DRC4: variants seen among roughly 807,000 people sequenced by gnomAD.
DRC4 encodes GAS-11.
chr16:90,022,720 T>C, the DRC4 span: 10 of 1,418,550 alleles, frequency 7.0e-6, no homozygotes, highest in East Asian at 3.0e-5. Flanking sequence ...TCCGCTGGCG[T>C]CATGGTGAGC....
chr16:90,040,322 T>G, the DRC4 span: 44 of 1,595,034 alleles, frequency 2.8e-5, no homozygotes, highest in Non-Finnish European at 3.5e-5. Context: ...CGGGACGAGC[T>G]CTATCGGAAG....
At chr16:90,027,755 GTGGGC>G in the DRC4 span, 1 of 1,593,280 alleles carries the variant, frequency 6.3e-7, no homozygotes, top group East Asian at 2.2e-5. Flanking sequence ...CAGTCCCCGG[GTGGGC>G]GTGGGCGGGC....
chr16:90,043,442 AT>A, the DRC4 span: 1 of 1,216,722 alleles, frequency 8.2e-7, no homozygotes, highest in Admixed American at 2.4e-5. Flanking sequence ...TTTAGATTTT[AT>A]CATCAGCAAA....
chr16:90,040,536 C>T, the DRC4 span: 7 of 1,565,092 alleles, frequency 4.5e-6, no homozygotes, highest in Non-Finnish European at 6.1e-6. Context: ...CTCCTGACCC[C>T]AGTGGGCGGC....
At chr16:90,026,739 G>A in the DRC4 span, among the ~76,000 whole-genome samples, 124,588 of 151,688 alleles carry the variant, frequency 0.82, 51,538 homozygotes, top group East Asian at 0.99. Flanking sequence ...GCTGGAGTGC[G>A]GTGGTGCACC....
At chr16:90,040,333 T>C in the DRC4 span, 1 of 1,599,824 alleles carries the variant, frequency 6.3e-7, no homozygotes, top group African/African-American at 1.3e-5. Context: ...CTATCGGAAG[T>C]TCACCGCAGC....
At chr16:90,033,198 G>T in the DRC4 span, among the ~76,000 whole-genome samples, 1 of 152,184 alleles carries the variant, frequency 6.6e-6, no homozygotes, top group Non-Finnish European at 1.5e-5. Flanking sequence ...ATGTGCTGCT[G>T]ACACCTGACA....
the DRC4 span, chr16:90,027,678 C>T: frequency 6.2e-7 from 1 of 1,614,198 alleles, no homozygotes; most frequent in South Asian, 1.1e-5. Flanking sequence ...CAAAGGCACC[C>T]CGATTGTCGA....
At chr16:90,040,165 C>T in the DRC4 span, 4 of 816,594 alleles carry the variant, frequency 4.9e-6, no homozygotes, top group African/African-American at 5.0e-5. Context: ...ACACACTGAC[C>T]CCGGTGCTGT....
At chr16:90,041,538 G>A in the DRC4 span, among the ~76,000 whole-genome samples, 1 of 152,218 alleles carries the variant, frequency 6.6e-6, no homozygotes, top group African/African-American at 2.4e-5. Context: ...GGGCGCGGTG[G>A]CTCACGCCTG....
the DRC4 span, chr16:90,042,590 C>T: frequency 2.7e-6 from 4 of 1,476,444 alleles, no homozygotes; most frequent in Non-Finnish European, 3.8e-6. Flanking sequence ...CCAGACTGTT[C>T]TAAATGCAGA....
At chr16:90,043,355 T>C in the DRC4 span, 242 of 1,556,432 alleles carry the variant, frequency 1.6e-4, no homozygotes, top group African/African-American at 2.1e-4. Flanking sequence ...GCTGCCCCCC[T>C]GGGGGGCCAC....
At chr16:90,034,558 G>C in the DRC4 span, among the ~76,000 whole-genome samples, 3 of 152,230 alleles carry the variant, frequency 2.0e-5, no homozygotes, top group African/African-American at 7.2e-5. Flanking sequence ...GGAGACGGAG[G>C]TTGCGGTGAG....
chr16:90,037,668 A>C, the DRC4 span: 8 of 1,259,702 alleles, frequency 6.4e-6, no homozygotes, highest in Non-Finnish European at 9.3e-6. Flanking sequence ...TCTGGCGATT[A>C]TTTTTGGCCT....
the DRC4 span, chr16:90,042,438 G>T: frequency 6.2e-7 from 1 of 1,608,800 alleles, no homozygotes; most frequent in Non-Finnish European, 8.5e-7. Flanking sequence ...CAAAAGATGA[G>T]TCTCAAACTC....
chr16:90,038,377 G>A, the DRC4 span, among the ~76,000 whole-genome samples: 2 of 152,210 alleles, frequency 1.3e-5, no homozygotes, highest in Non-Finnish European at 2.9e-5. Flanking sequence ...ATCTCACAGT[G>A]TATCAGGCTG....
the DRC4 span, chr16:90,043,978 G>A: frequency 2.4e-6 from 1 of 416,654 alleles, no homozygotes; most frequent in East Asian, 7.3e-5. Flanking sequence ...TGCTGGTGAT[G>A]GTTAAAACAA....
chr16:90,022,679 C>T, the DRC4 span: 22 of 1,418,262 alleles, frequency 1.6e-5, no homozygotes, highest in African/African-American at 3.1e-4. Flanking sequence ...CGGGGGCGGG[C>T]GCCCTGGTCC....
the DRC4 span, among the ~76,000 whole-genome samples, chr16:90,021,541 C>G: frequency 6.6e-6 from 1 of 151,898 alleles, no homozygotes; most frequent in Non-Finnish European, 1.5e-5. Context: ...ACCTCAACCT[C>G]CCAAGTAGAT....
Sources: gnomAD v4.1 joint callset for allele counts (sites outside exome capture counted in the v4.1 genomes callset) on GRCh38, gnomAD v4.1.1 for gene constraint, MANE v1.5 for transcripts, NCBI Gene and HGNC (gene_info 2026-07-23, HGNC 2026-07-21) for gene names.